The following KCTD8 variants were observed in gnomAD, a reference collection of about 807,000 sequenced individuals.
KCTD8 encodes the protein potassium channel tetramerization domain containing 8.
A neutral mutation model predicts 31.5 loss-of-function variants in KCTD8; 27 were observed. That is an observed-to-expected ratio of 0.86 (90% CI 0.63 to 1.18). The LOEUF is 1.18. Ranked by LOEUF, KCTD8 falls within the 50% of genes most tolerant of loss-of-function variation. The pLI is 0.00. For missense variants in KCTD8, 658 were observed against 647.7 expected, an observed-to-expected ratio of 1.02 and a Z score of -0.17; for synonymous variants, 290 against 280.0, an observed-to-expected ratio of 1.04 and a Z score of -0.36.
At chr4:44,268,839 TG>T in intron 1 of KCTD8, among the ~76,000 whole-genome samples, 1 of 151,828 alleles carries the variant, frequency 6.6e-6, no homozygotes, top group Non-Finnish European at 1.5e-5. Context: ...ACAAGGGATG[TG>T]AAGGACCTCT....
At position 44,447,616 on chromosome 4, in the gene KCTD8, T is replaced by A; in HGVS notation, c.908A>T (p.Asn303Ile). 6.2e-7 allele frequency: 1 copy of A among 1,605,284 alleles called. No homozygotes were observed. Among genetic ancestry groups the A allele is most frequent in the African/African-American group, 1.3e-5 (1 of 74,816 alleles). ...CNSSGTAAFVNQYRDDKIWSS... is the reference protein window; with the variant it reads ...CNSSGTAAFVIQYRDDKIWSS... The stretch of plus-strand genomic sequence containing the variant: ...CCAGATCTTGTCGTCGCGGTACTGG[T>A]TGACGAAGGCGGCGGTGCCCGAGGA... Residue 303 changes from asparagine (N) to isoleucine (I), a missense_variant, in exon 1 of 2, where the codon AAC becomes ATC. Physicochemically the swap from Asn to Ile is moderately radical, Grantham distance 149 (BLOSUM62 -3). Coordinates refer to ENST00000360029, the MANE Select transcript of KCTD8 (RefSeq NM_198353.3).
chr4:44,245,489 T>C, intron 1 of KCTD8, among the ~76,000 whole-genome samples: 1 of 152,070 alleles, frequency 6.6e-6, no homozygotes, highest in African/African-American at 2.4e-5. Flanking sequence ...TGTAGATTCT[T>C]TTATGTGTTT....
intron 1 of KCTD8, among the ~76,000 whole-genome samples, chr4:44,227,359 G>A (rs1384836620): frequency 6.6e-6 from 1 of 152,132 alleles, no homozygotes; most frequent in Non-Finnish European, 1.5e-5. Flanking sequence ...TAGCTGTGTG[G>A]TATTATTTCT....
intron 1 of KCTD8, among the ~76,000 whole-genome samples, chr4:44,188,705 T>C (rs1391492025): frequency 1.3e-5 from 2 of 151,766 alleles, no homozygotes; most frequent in African/African-American, 4.8e-5. Flanking sequence ...AAGAGGGAGG[T>C]AGTGAGAGAT....
At chr4:44,289,457 G>T (rs2109384071) in intron 1 of KCTD8, among the ~76,000 whole-genome samples, 1 of 152,190 alleles carries the variant, frequency 6.6e-6, no homozygotes, top group Non-Finnish European at 1.5e-5. Context: ...GATCCATGGA[G>T]AGAAAACACC....
At chr4:44,422,832 T>C (rs1045063388) in intron 1 of KCTD8, among the ~76,000 whole-genome samples, 1 of 152,110 alleles carries the variant, frequency 6.6e-6, no homozygotes, top group Non-Finnish European at 1.5e-5. Flanking sequence ...TAGGATAGTA[T>C]TTGACAGTTG....
At chr4:44,297,064 T>G (rs114325567) in intron 1 of KCTD8, among the ~76,000 whole-genome samples, 1 of 152,082 alleles carries the variant, frequency 6.6e-6, no homozygotes, top group Non-Finnish European at 1.5e-5. Context: ...TCTTCACATA[T>G]CTATATGCCA....
chr4:44,224,167 T>C (rs1396223922), intron 1 of KCTD8, among the ~76,000 whole-genome samples: 1 of 152,182 alleles, frequency 6.6e-6, no homozygotes, highest in Admixed American at 6.5e-5. Flanking sequence ...ATATATAACA[T>C]CCAAGCTCAC....
At chr4:44,317,722 G>A (rs549002388) in intron 1 of KCTD8, among the ~76,000 whole-genome samples, 1 of 152,180 alleles carries the variant, frequency 6.6e-6, no homozygotes, top group East Asian at 1.9e-4. Context: ...TTTCACTCAT[G>A]GAAAAATTCA....
chr4:44,326,871 C>T (rs143505791), intron 1 of KCTD8, among the ~76,000 whole-genome samples: 1 of 151,954 alleles, frequency 6.6e-6, no homozygotes, highest in African/African-American at 2.4e-5. Flanking sequence ...TTAACCAGCT[C>T]ATATTCCTCA....
At chr4:44,245,003 A>G (rs1182874518) in intron 1 of KCTD8, among the ~76,000 whole-genome samples, 1 of 152,196 alleles carries the variant, frequency 6.6e-6, no homozygotes, top group African/African-American at 2.4e-5. Context: ...ACAACTGCAC[A>G]ACACATTTTT....
intron 1 of KCTD8, among the ~76,000 whole-genome samples, chr4:44,428,374 G>T (rs1236774088): frequency 6.6e-6 from 1 of 151,626 alleles, no homozygotes; most frequent in Non-Finnish European, 1.5e-5. Context: ...ATGCCTTCAT[G>T]GGGAAAAGAG....
At chr4:44,445,251 T>C (rs938324569) in intron 1 of KCTD8, among the ~76,000 whole-genome samples, 2 of 152,168 alleles carry the variant, frequency 1.3e-5, no homozygotes, top group Non-Finnish European at 2.9e-5. Flanking sequence ...ATTCTAGTAC[T>C]CAAGACAAAT....
rs113146615 is a variant in KCTD8, at chr4:44,178,848, G to T, written c.962-3598C>A. ...TGTGTCTTGAAAACTAACTGGTCTT[G>T]CAGTGCAAGATAGAAGATTAAGGAA... On this transcript the variant is annotated intron_variant, in intron 1 of 1. Transcript: ENST00000360029. Among the ~76,000 whole-genome samples, 222 of 152,250 alleles carry T rather than the reference G, an allele frequency of 1.5e-3. 1 individual carries two copies. The highest frequency in any genetic ancestry group is 0.014 in the Middle Eastern group (4 of 294).
intron 1 of KCTD8, among the ~76,000 whole-genome samples, chr4:44,366,243 T>C (rs528323076): frequency 3.9e-4 from 59 of 152,294 alleles, no homozygotes; most frequent in African/African-American, 1.3e-3. Context: ...AGGAGACTCA[T>C]ATGGTTTGGC....
At position 44,362,196 on chromosome 4, in the gene KCTD8, G is replaced by A. The variant is rs948954155; in HGVS notation, c.961+85367C>T. Among the ~76,000 whole-genome samples, 5 of 152,266 alleles carry A rather than the reference G, an allele frequency of 3.3e-5. No homozygotes were observed. In the East Asian group the frequency reaches 9.7e-4, roughly 29 times the overall value. On this transcript the variant is annotated intron_variant, in intron 1 of 1. Coordinates refer to ENST00000360029, the MANE Select transcript of KCTD8 (RefSeq NM_198353.3). ...TGGCTAAAATGCCAGCCACACGTAG[G>A]TGAGTCAATGCAAGTGTAGGCAGGT...
At chr4:44,259,828 G>A (rs570480320) in intron 1 of KCTD8, among the ~76,000 whole-genome samples, 113 of 151,956 alleles carry the variant, frequency 7.4e-4, no homozygotes, top group African/African-American at 2.5e-3. Flanking sequence ...TTATGCATCT[G>A]TTATTTGAGG....
chr4:44,201,028 A>G (rs1714131451), intron 1 of KCTD8, among the ~76,000 whole-genome samples: 1 of 152,072 alleles, frequency 6.6e-6, no homozygotes, highest in African/African-American at 2.4e-5. Context: ...CCAGGCTGAG[A>G]GTCAAATAAA....
chr4:44,373,848 T>C (rs1719852209), intron 1 of KCTD8, among the ~76,000 whole-genome samples: 1 of 152,198 alleles, frequency 6.6e-6, no homozygotes. Flanking sequence ...TCTTTCATTC[T>C]CATTTCAGAT....
Sources: allele counts gnomAD v4.1 joint callset (sites outside exome capture counted in the v4.1 genomes callset), GRCh38; gene constraint gnomAD v4.1.1; transcripts MANE v1.5; gene names NCBI Gene and HGNC (gene_info 2026-07-23, HGNC 2026-07-21).